The following THSD7B variants were observed in gnomAD, a reference collection of about 807,000 sequenced individuals.
THSD7B encodes thrombospondin type-1 domain-containing protein 7B.
A neutral mutation model predicts 213.6 loss-of-function variants in THSD7B; 138 were observed. That is an observed-to-expected ratio of 0.65 (90% CI 0.56 to 0.74). THSD7B has a LOEUF of 0.74. Among genes scored for constraint, THSD7B ranks in the 30% least tolerant of loss-of-function variants. The probability of loss-of-function intolerance (pLI) is 0.00; values close to 1 mark genes in which losing one functional copy is unlikely to be tolerated. For missense variants in THSD7B, 1,931 were observed against 1,991.5 expected (o/e 0.97, Z 0.58); for synonymous variants, 742 against 687.0 (o/e 1.08, Z -1.25).
chr2:137,569,673 G>C (rs543331977), intron 16 of THSD7B, among the ~76,000 whole-genome samples: 10 of 152,174 alleles, frequency 6.6e-5, no homozygotes, highest in African/African-American at 2.4e-4. Flanking sequence ...TCCCTTTGAA[G>C]GTTTAGTATC....
chr2:136,988,365 A>G (rs1429676780), intron 2 of THSD7B, among the ~76,000 whole-genome samples: 1 of 152,244 alleles, frequency 6.6e-6, no homozygotes, highest in African/African-American at 2.4e-5. Context: ...GTGGAAAAGA[A>G]TGTCCATGAG....
chr2:137,622,274 C>CA (rs1682534637), intron 20 of THSD7B, among the ~76,000 whole-genome samples: 1 of 152,166 alleles, frequency 6.6e-6, no homozygotes, highest in African/African-American at 2.4e-5. Context: ...TAACTTGTTT[C>CA]AGTAACAACT....
chr2:137,592,639 C>T (rs1681887054), intron 17 of THSD7B, among the ~76,000 whole-genome samples: 1 of 151,792 alleles, frequency 6.6e-6, no homozygotes, highest in Non-Finnish European at 1.5e-5. Context: ...TTTCTGTTAT[C>T]CTCTGTATGG....
intron 1 of THSD7B, among the ~76,000 whole-genome samples, chr2:136,812,820 G>A (rs948242951): frequency 2.0e-5 from 3 of 152,190 alleles, no homozygotes; most frequent in Admixed American, 2.0e-4. Context: ...ATAAATAACA[G>A]TACTAGGATT....
intron 7 of THSD7B, among the ~76,000 whole-genome samples, chr2:137,192,994 ATG>A (rs992297383): frequency 7.9e-5 from 12 of 151,964 alleles, no homozygotes; most frequent in African/African-American, 2.7e-4. Context: ...GTATGTGTGT[ATG>A]TGTGTGTGTT....
intron 1 of THSD7B, among the ~76,000 whole-genome samples, chr2:136,831,597 T>G (rs1682756983): frequency 6.6e-6 from 1 of 152,224 alleles, no homozygotes; most frequent in South Asian, 2.1e-4. Flanking sequence ...GGCAAAGACA[T>G]AACTGTTACA....
chr2:137,622,251 T>TAATCCTAAGTCTTAACTTGTTTC lies in THSD7B; in HGVS notation c.3799+1527_3799+1549dup, dbSNP rs546816605. Among the ~76,000 whole-genome samples the TAATCCTAAGTCTTAACTTGTTTC allele has an allele frequency of 5.9e-3, 901 of 152,318 alleles. 7 individuals carry two copies. Among genetic ancestry groups the TAATCCTAAGTCTTAACTTGTTTC allele is most frequent in the Middle Eastern group, 0.048 (14 of 294 alleles). ...TGCAAAATACAATCATTCCATCCAA[T>TAATCCTAAGTCTTAACTTGTTTC]AATCCTAAGTCTTAACTTGTTTCAG... On this transcript the variant is annotated intron_variant, in intron 20 of 27. Transcript: ENST00000409968.
chr2:137,163,298 A>G (rs756324216), intron 6 of THSD7B, among the ~76,000 whole-genome samples: 9 of 152,222 alleles, frequency 5.9e-5, no homozygotes, highest in Non-Finnish European at 1.2e-4. Context: ...CCCCTGGTAC[A>G]TATGAGTAGG....
intron 6 of THSD7B, among the ~76,000 whole-genome samples, chr2:137,165,713 G>T (rs1306769691): frequency 6.6e-6 from 1 of 151,782 alleles, no homozygotes; most frequent in Non-Finnish European, 1.5e-5. Context: ...TCCACTAGCA[G>T]AAATCTAGGA....
At chr2:137,258,931 C>T (rs746159974) in intron 10 of THSD7B, among the ~76,000 whole-genome samples, 5 of 151,838 alleles carry the variant, frequency 3.3e-5, no homozygotes, top group African/African-American at 7.3e-5. Context: ...TGAGAACATG[C>T]GGTGTTTGGT....
chr2:137,346,014 C>G lies in THSD7B; in HGVS notation c.2501-59599C>G, dbSNP rs1447690241. The stretch of plus-strand genomic sequence containing the variant: ...CTTGCCCTTTTATTTTTGTGAGAGG[C>G]TAGGGTGCTATTGGCTGCTTCAGGG... On this transcript the variant is annotated intron_variant, in intron 12 of 27. Transcript: ENST00000409968. Among the ~76,000 whole-genome samples, 8 of 151,612 alleles carry G rather than the reference C, an allele frequency of 5.3e-5. No individual in the cohort carries two copies. In the East Asian group the frequency reaches 1.6e-3, roughly 30 times the overall value.
intron 1 of THSD7B, among the ~76,000 whole-genome samples, chr2:136,791,827 T>C (rs559263950): frequency 1.5e-4 from 23 of 152,110 alleles, no homozygotes; most frequent in Non-Finnish European, 3.1e-4. Flanking sequence ...TTGGCTGTTA[T>C]GAATAATGCT....
intron 1 of THSD7B, among the ~76,000 whole-genome samples, chr2:136,840,498 A>G (rs1008138898): frequency 6.6e-6 from 1 of 152,232 alleles, no homozygotes; most frequent in African/African-American, 2.4e-5. Flanking sequence ...CTAGGCAGGC[A>G]GAAGAGGAGC....
At chr2:137,092,789 C>T (rs1384360722) in intron 3 of THSD7B, among the ~76,000 whole-genome samples, 3 of 152,170 alleles carry the variant, frequency 2.0e-5, no homozygotes, top group Non-Finnish European at 4.4e-5. Context: ...CACACACCAC[C>T]ACCATGCCTT....
At position 137,635,937 on chromosome 2, in the gene THSD7B, A is replaced by T. The variant is rs560178031; in HGVS notation, c.3800-6551A>T. On this transcript the variant is annotated intron_variant, in intron 20 of 27. Transcript: ENST00000409968. ...AGGCTGGTCTCGAACTCCTGACCTC[A>T]AGTGATCTGCCCGTCTTGCATCCCA... Among the ~76,000 whole-genome samples the T allele has an allele frequency of 1.1e-4, 16 of 152,288 alleles. No homozygotes were observed. In the South Asian group the frequency reaches 3.1e-3, roughly 30 times the overall value.
intron 2 of THSD7B, among the ~76,000 whole-genome samples, chr2:136,942,919 G>A (rs1394326444): frequency 6.6e-6 from 1 of 152,194 alleles, no homozygotes; most frequent in Non-Finnish European, 1.5e-5. Context: ...GGACATCCCT[G>A]TCTTGTGCCT....
Position 137,563,208 on chromosome 2 carries a change from C to T in THSD7B, c.3139-13C>T, listed in dbSNP as rs1427531474. ...AGTTCCACATAATTTTGTTTCTTTC[C>T]TGTTCTTGACAGGTACATGAGGCAG... On this transcript the variant is annotated splice_polypyrimidine_tract_variant and intron_variant, in intron 15 of 27. Transcript: ENST00000409968. 3.1e-6 allele frequency: 5 copies of T among 1,608,812 alleles called. No homozygotes were observed. Among genetic ancestry groups the T allele is most frequent in the Non-Finnish European group, 4.2e-6 (5 of 1,177,094 alleles).
At chr2:137,280,773 C>T (rs773476559) in intron 12 of THSD7B, among the ~76,000 whole-genome samples, 2 of 151,950 alleles carry the variant, frequency 1.3e-5, no homozygotes, top group South Asian at 4.1e-4. Context: ...CATAATAATA[C>T]GCTTTCTAGA....
chr2:136,988,707 T>TA (rs1311030457), intron 2 of THSD7B, among the ~76,000 whole-genome samples: 1 of 152,262 alleles, frequency 6.6e-6, no homozygotes, highest in Non-Finnish European at 1.5e-5. Flanking sequence ...CTGCCAATGA[T>TA]ACTTTATTTT....
Sources: allele counts gnomAD v4.1 joint callset (sites outside exome capture counted in the v4.1 genomes callset), GRCh38; gene constraint gnomAD v4.1.1; transcripts MANE v1.5; gene names NCBI Gene and HGNC (gene_info 2026-07-23, HGNC 2026-07-21).